Variants in CSE1L observed in about 807,000 individuals in gnomAD.
CSE1L encodes chromosome segregation 1 like, also known as exportin-2.
CSE1L carries 24 observed loss-of-function variants against 120.4 expected under a neutral mutation model. The ratio of observed to expected loss-of-function variants is 0.20; its 90% confidence interval spans 0.14 to 0.28. CSE1L has a LOEUF of 0.28. Among genes scored for constraint, CSE1L ranks in the 10% least tolerant of loss-of-function variants. The pLI, the probability that CSE1L is intolerant of heterozygous loss-of-function variation, is 1.00. For synonymous variants in CSE1L, 402 were observed against 398.3 expected (o/e 1.01, Z -0.11); for missense variants, 830 against 1,145.2 (o/e 0.72, Z 3.97).
Position 49,089,403 on chromosome 20 carries a change from T to C in CSE1L, c.1972+6T>C. ...CTTACAAAATGATGTGCAAGGTAAG[T>C]TAACGGAAATTATTTTCTTTGTAAT... On this transcript the variant is annotated splice_donor_region_variant and intron_variant, in intron 18 of 24. Transcript: ENST00000262982. 6.2e-7 allele frequency: 1 copy of C among 1,606,370 alleles called. No individual in the cohort carries two copies. The highest frequency in any genetic ancestry group is 1.7e-5 in the Admixed American group (1 of 57,640).
intron 3 of CSE1L, among the ~76,000 whole-genome samples, chr20:49,063,949 T>C (rs951484269): frequency 1.3e-5 from 2 of 152,252 alleles, no homozygotes; most frequent in African/African-American, 4.8e-5. Context: ...ACAGGTTTAA[T>C]GATTAGTAAA....
rs745756950 is a variant in CSE1L at position 49,090,951 on chromosome 20, A to G, written c.2294A>G (p.Gln765Arg). 1.9e-6 allele frequency: 3 copies of G among 1,609,984 alleles called. No homozygotes were observed. Among genetic ancestry groups the G allele is most frequent in the Non-Finnish European group, 2.5e-6 (3 of 1,177,326 alleles). The change falls in exon 21 of 25, where the codon CAA becomes CGA. Residue 765 changes from glutamine (Q) to arginine (R), a missense_variant. This residue lies in a region of CSE1L where 168 missense variants were observed against 267.9 expected (regional missense o/e 0.63). Coordinates refer to ENST00000262982, the MANE Select transcript of CSE1L (RefSeq NM_001316.4). ...TAATTCTTTAGTGAATCAGTTGACC[A>G]ATATAGGAAACAAATCTTCATTCTG... ...IEHMPPESVD[Q>R]YRKQIFILLF...
intron 19 of CSE1L, 94 bp from the exon 20 acceptor site, chr20:49,090,648 C>G: frequency 1.1e-6 from 1 of 886,878 alleles, no homozygotes; most frequent in Non-Finnish European, 1.9e-6. Flanking sequence ...TAGATTATTA[C>G]AGTATGAACT....
intron 3 of CSE1L, among the ~76,000 whole-genome samples, chr20:49,065,312 A>ATTTTTT (rs1568769017): frequency 1.6e-4 from 13 of 79,412 alleles, no homozygotes; most frequent in African/African-American, 4.1e-4. Flanking sequence ...ATGAAAAAAA[A>ATTTTTT]ATTTTTTTTT....
chr20:49,075,545 T>A, intron 12 of CSE1L, 25 bp downstream of exon 12: 1 of 1,598,662 alleles, frequency 6.3e-7, no homozygotes, highest in Non-Finnish European at 8.6e-7. Context: ...TGTGGTTTTG[T>A]TTCTAAAACA....
intron 24 of CSE1L, 54 bp from the exon 25 acceptor site, chr20:49,096,295 G>A (rs776857026): frequency 2.2e-6 from 3 of 1,380,764 alleles, no homozygotes; most frequent in East Asian, 2.3e-5. Flanking sequence ...GATGGGGTTT[G>A]TATTGGCGCA....
At chr20:49,095,421 T>TACTGCCTACTACTA (rs1471247304) in intron 24 of CSE1L, among the ~76,000 whole-genome samples, 6 of 152,004 alleles carry the variant, frequency 3.9e-5, no homozygotes, top group Non-Finnish European at 8.8e-5. Context: ...ACCTCCCAGG[T>TACTGCCTACTACTA]TCAAGTGATC....
chr20:49,053,343 CTAACTT>C (rs1285389495), intron 1 of CSE1L, among the ~76,000 whole-genome samples: 1 of 132,736 alleles, frequency 7.5e-6, no homozygotes, highest in Non-Finnish European at 1.6e-5. Flanking sequence ...CCACAGCAAA[CTAACTT>C]TTTTTTTTTT....
At position 49,094,699 on chromosome 20, in the gene CSE1L, G is replaced by C. The variant is rs746610137; in HGVS notation, c.2595-33G>C. 5 of 1,471,480 alleles carry C rather than the reference G, an allele frequency of 3.4e-6. No individual in the cohort carries two copies. The East Asian group carries it at 9.1e-5, about 27-fold the overall frequency. 91.2% of individuals were successfully genotyped at this position (1,471,480 alleles called of 1,614,324 possible). A position where few individuals can be genotyped will look rare whatever the true frequency, so the allele number is the denominator to read the frequency against. The stretch of plus-strand genomic sequence containing the variant: ...TTTTAAGTCTTCCGAGTATTTTCTT[G>C]ACCTTTTTATCTCTTGCTTTCTTCC... On this transcript the variant is annotated intron_variant, in intron 23 of 24. Transcript: ENST00000262982.
intron 7 of CSE1L, among the ~76,000 whole-genome samples, chr20:49,069,764 C>T (rs1312678408): frequency 2.0e-5 from 3 of 152,170 alleles, no homozygotes; most frequent in Non-Finnish European, 4.4e-5. Context: ...GCATAATCTA[C>T]CCTCAGGGGA....
intron 15 of CSE1L, 108 bp downstream of exon 15, chr20:49,084,270 G>T: frequency 8.8e-7 from 1 of 1,142,756 alleles, no homozygotes; most frequent in Non-Finnish European, 1.2e-6. Context: ...ACAAATGTCT[G>T]CTTTCTATTC....
intron 21 of CSE1L, 54 bp downstream of exon 21, chr20:49,091,076 AC>A (rs1295914126): frequency 1.0e-5 from 12 of 1,171,858 alleles, no homozygotes; most frequent in Non-Finnish European, 1.3e-5. Context: ...GGTAGCTAAA[AC>A]CCTTAGACTT....
At chr20:49,078,974 C>T (rs3091595) in intron 14 of CSE1L, among the ~76,000 whole-genome samples, 21,081 of 152,090 alleles carry the variant, frequency 0.14, 1,934 homozygotes, top group East Asian at 0.37. Flanking sequence ...TCACTGCAAC[C>T]TCTACCTCCT....
intron 14 of CSE1L, 144 bp from the exon 15 acceptor site, chr20:49,083,882 T>G: frequency 1.3e-6 from 1 of 767,044 alleles, no homozygotes; most frequent in Non-Finnish European, 2.0e-6. Flanking sequence ...AAGTTTTGGT[T>G]TCTGGGCAGC....
chr20:49,091,092 G>GT, intron 21 of CSE1L, 70 bp downstream of exon 21: 1 of 1,037,190 alleles, frequency 9.6e-7, no homozygotes. Flanking sequence ...AGACTTTATG[G>GT]TTGCAGATAC....
At chr20:49,046,858 G>T (rs1471336308) in intron 1 of CSE1L, among the ~76,000 whole-genome samples, 1 of 152,226 alleles carries the variant, frequency 6.6e-6, no homozygotes, top group Non-Finnish European at 1.5e-5. Flanking sequence ...GTGCGGCGGC[G>T]AGGCCTGCCC....
At chr20:49,046,768 G>A (rs1483962593) in intron 1 of CSE1L, among the ~76,000 whole-genome samples, 1 of 152,218 alleles carries the variant, frequency 6.6e-6, no homozygotes, top group African/African-American at 2.4e-5. Context: ...CCGCCTCTCC[G>A]CTCGGGAAGG....
chr20:49,053,855 A>G (rs1403830938), intron 1 of CSE1L, among the ~76,000 whole-genome samples: 1 of 151,738 alleles, frequency 6.6e-6, no homozygotes, highest in African/African-American at 2.4e-5. Context: ...CGCCCGGCTA[A>G]TTTTTTGTAT....
chr20:49,091,198 C>T (rs572403305), intron 21 of CSE1L, among the ~76,000 whole-genome samples, 176 bp downstream of exon 21: 2 of 152,042 alleles, frequency 1.3e-5, no homozygotes, highest in Admixed American at 6.6e-5. Context: ...CAAGGGAGGC[C>T]GATCGCTTGA....
Sources: allele counts gnomAD v4.1 joint callset (sites outside exome capture counted in the v4.1 genomes callset), GRCh38; gene constraint gnomAD v4.1.1; regional missense constraint gnomAD v4.1.1; transcripts MANE v1.5; gene names NCBI Gene and HGNC (gene_info 2026-07-23, HGNC 2026-07-21).